LRMDA: variants seen among roughly 807,000 people sequenced by gnomAD.
LRMDA encodes leucine rich melanocyte differentiation associated.
LRMDA carries 18 observed loss-of-function variants against 29.8 expected under a neutral mutation model. The observed-to-expected ratio is 0.60, with a 90% CI of 0.42 to 0.90. The LOEUF (loss-of-function observed/expected upper bound fraction) is 0.90, where lower values mean the gene tolerates loss of function less well. Ranked by LOEUF, LRMDA falls within the 40% of genes least tolerant of loss-of-function variation. LRMDA has a pLI of 0.00. For synonymous variants in LRMDA, 125 were observed against 109.4 expected (o/e 1.14, Z -0.89); for missense variants, 273 against 273.9 (o/e 1.00, Z 0.02).
intron 2 of LRMDA, among the ~76,000 whole-genome samples, chr10:75,786,123 A>G (rs1843468524): frequency 6.6e-6 from 1 of 152,242 alleles, no homozygotes. Flanking sequence ...GGGCAGGCTC[A>G]TTACTCCTAA....
chr10:75,679,939 A>T (rs1322616320), intron 2 of LRMDA, among the ~76,000 whole-genome samples: 1 of 152,252 alleles, frequency 6.6e-6, no homozygotes, highest in Non-Finnish European at 1.5e-5. Context: ...TCTTAAAGAA[A>T]AAATGGCTGT....
At chr10:76,023,178 C>T (rs1256482928) in intron 2 of LRMDA, among the ~76,000 whole-genome samples, 1 of 151,954 alleles carries the variant, frequency 6.6e-6, no homozygotes, top group African/African-American at 2.4e-5. Context: ...TCTTGGCAGG[C>T]GATCGGCTTG....
chr10:75,623,278 G>T (rs1009059924), intron 2 of LRMDA, among the ~76,000 whole-genome samples: 2 of 152,086 alleles, frequency 1.3e-5, no homozygotes, highest in East Asian at 3.8e-4. Context: ...AGCTTTCTTC[G>T]TGGGCCCCTT....
chr10:76,183,712 A>G (rs1393589827), intron 5 of LRMDA, among the ~76,000 whole-genome samples: 2 of 152,134 alleles, frequency 1.3e-5, no homozygotes, highest in Non-Finnish European at 2.9e-5. Context: ...AAATTGCATC[A>G]TTTTATTTTA....
In LRMDA at chr10:76,223,007, A is replaced by C. The variant is rs539168820; in HGVS notation, c.517-101394A>C. On this transcript the variant is annotated intron_variant, in intron 5 of 6. Transcript: ENST00000611255. ...TGGAAATCATCATTCTCAGTAAACT[A>C]TTGCAAGAACAAAAAACCAAACACC... 2.6e-3 allele frequency among the ~76,000 whole-genome samples: 399 copies of C among 152,170 alleles called. 1 individual carries two copies. Among genetic ancestry groups the C allele is most frequent in the Non-Finnish European group, 4.4e-3 (297 of 68,018 alleles).
intron 2 of LRMDA, among the ~76,000 whole-genome samples, chr10:75,989,970 G>C (rs1256315458): frequency 6.6e-6 from 1 of 152,150 alleles, no homozygotes; most frequent in Non-Finnish European, 1.5e-5. Context: ...GCTCCTCCCA[G>C]ACAGGCCGGC....
chr10:76,175,066 G>A (rs1850908338), intron 5 of LRMDA, among the ~76,000 whole-genome samples: 1 of 152,190 alleles, frequency 6.6e-6, no homozygotes, highest in Admixed American at 6.5e-5. Flanking sequence ...AGATTGCAGT[G>A]AGCCAAGATC....
chr10:75,462,257 T>G (rs1397107866), intron 2 of LRMDA, among the ~76,000 whole-genome samples: 1 of 152,268 alleles, frequency 6.6e-6, no homozygotes, highest in Non-Finnish European at 1.5e-5. Flanking sequence ...TTTTAATTCA[T>G]CACATTCGAG....
At chr10:76,269,550 T>C (rs905290705) in intron 5 of LRMDA, among the ~76,000 whole-genome samples, 1 of 152,130 alleles carries the variant, frequency 6.6e-6, no homozygotes, top group Non-Finnish European at 1.5e-5. Flanking sequence ...ATACATACTA[T>C]ATCTATATGT....
intron 2 of LRMDA, among the ~76,000 whole-genome samples, chr10:75,772,864 T>C (rs886150030): frequency 5.1e-5 from 1 of 19,482 alleles, no homozygotes; most frequent in Admixed American, 4.2e-4. Context: ...TTGGGGGGGG[T>C]GGGATGGGGG....
chr10:75,905,683 T>C (rs952064284), intron 2 of LRMDA, among the ~76,000 whole-genome samples: 1 of 152,210 alleles, frequency 6.6e-6, no homozygotes, highest in Non-Finnish European at 1.5e-5. Flanking sequence ...AGCATGGTGC[T>C]AACCACTCTG....
At chr10:75,758,918 G>T (rs1377245559) in intron 2 of LRMDA, among the ~76,000 whole-genome samples, 1 of 151,842 alleles carries the variant, frequency 6.6e-6, no homozygotes, top group African/African-American at 2.4e-5. Flanking sequence ...ATTGCCAGGG[G>T]TGGGACATAG....
At chr10:75,443,574 T>A (rs1199393457) in intron 2 of LRMDA, among the ~76,000 whole-genome samples, 1 of 152,230 alleles carries the variant, frequency 6.6e-6, no homozygotes, top group Non-Finnish European at 1.5e-5. Flanking sequence ...TGATGGTGCA[T>A]GATTCTTTTA....
At chr10:76,055,084 A>G (rs1392694045) in intron 4 of LRMDA, among the ~76,000 whole-genome samples, 3 of 149,558 alleles carry the variant, frequency 2.0e-5, no homozygotes, top group Admixed American at 6.7e-5. Flanking sequence ...AAAAAAAAAA[A>G]AAAAAAAAAA....
At chr10:76,208,605 G>A (rs1015180748) in intron 5 of LRMDA, among the ~76,000 whole-genome samples, 16 of 152,192 alleles carry the variant, frequency 1.1e-4, no homozygotes, top group South Asian at 2.1e-4. Context: ...GACTCAATGC[G>A]GGGAAACCAG....
chr10:75,926,200 G>C (rs150853443), intron 2 of LRMDA, among the ~76,000 whole-genome samples: 1 of 152,232 alleles, frequency 6.6e-6, no homozygotes, highest in East Asian at 1.9e-4. Flanking sequence ...GATTTTATTA[G>C]AACTGGGCAT....
In LRMDA at chr10:76,560,016, C is replaced by CT; in HGVS notation, c.*2732dup. On this transcript the variant is annotated 3_prime_UTR_variant, in exon 7 of 7. Transcript: ENST00000611255. The stretch of plus-strand genomic sequence containing the variant: ...CAACTATTGCAGTCATTTGCTTTTA[C>CT]TTTTACCAGCCTCACTCATAAACCC... The CT allele has an allele frequency of 6.6e-6, 1 of 152,296 alleles. No homozygotes were observed. Among genetic ancestry groups the CT allele is most frequent in the African/African-American group, 2.4e-5 (1 of 41,562 alleles). 9.4% of individuals were successfully genotyped at this position (152,296 alleles called of 1,614,324 possible).
intron 5 of LRMDA, among the ~76,000 whole-genome samples, chr10:76,067,660 C>T (rs1169383226): frequency 6.6e-6 from 1 of 152,160 alleles, no homozygotes; most frequent in Non-Finnish European, 1.5e-5. Context: ...TGTCCATCCT[C>T]CAGCCCACCC....
intron 2 of LRMDA, among the ~76,000 whole-genome samples, chr10:75,797,132 A>G (rs1016632367): frequency 2.0e-5 from 3 of 152,116 alleles, no homozygotes; most frequent in African/African-American, 7.2e-5. Flanking sequence ...AAAAATTATT[A>G]TAACTTTAAT....
Sources: gnomAD v4.1 joint callset for allele counts (sites outside exome capture counted in the v4.1 genomes callset) on GRCh38, gnomAD v4.1.1 for gene constraint, MANE v1.5 for transcripts, NCBI Gene and HGNC (gene_info 2026-07-23, HGNC 2026-07-21) for gene names.